DMD: variants seen among roughly 807,000 people sequenced by gnomAD.
DMD encodes the protein mutant dystrophin.
Under a neutral mutation model 330.1 loss-of-function variants are expected in DMD, and 63 were observed. That is an observed-to-expected ratio of 0.19 (90% CI 0.16 to 0.24). The LOEUF is 0.24. Among genes scored for constraint, DMD ranks in the 10% least tolerant of loss-of-function variants. DMD has a pLI of 1.00. For synonymous variants in DMD, 1,223 were observed against 959.8 expected (o/e 1.27, Z -5.07); for missense variants, 3,344 against 2,684.1 (o/e 1.25, Z -5.43).
chrX:32,014,212 G>A lies in DMD; in HGVS notation c.6439-45698C>T, dbSNP rs764478665. On this transcript the variant is annotated intron_variant, in intron 44 of 78. Transcript: ENST00000357033. ...CAAAGCCACCTGAAGTAATTCATGG[G>A]GTCATAACGTGCACTTTTAGTGTAT... is the stretch of plus-strand genomic sequence containing the variant. 2.1e-4 allele frequency among the ~76,000 whole-genome samples: 23 copies of A among 111,610 alleles called. 1 individual carries two copies. The East Asian group carries it at 6.2e-3, about 30-fold the overall frequency.
At chrX:31,595,152 A>G (rs956959428) in intron 55 of DMD, among the ~76,000 whole-genome samples, 15 of 111,662 alleles carry the variant, frequency 1.3e-4, no homozygotes, top group African/African-American at 4.2e-4. Flanking sequence ...ATTTGAAAAT[A>G]TTAAGAATTT....
At chrX:33,321,428 GA>G (rs60756362) in intron 1 of DMD, among the ~76,000 whole-genome samples, 24,789 of 106,089 alleles carry the variant, frequency 0.23, 2,343 homozygotes, top group African/African-American at 0.33. Flanking sequence ...TAATATTTTT[GA>G]AAAAAAAAAT....
intron 44 of DMD, among the ~76,000 whole-genome samples, chrX:31,989,387 GT>G (rs914088591): frequency 8.9e-6 from 1 of 112,026 alleles, no homozygotes; most frequent in Non-Finnish European, 1.9e-5. Flanking sequence ...AGCCTGATGT[GT>G]TTTTTCCTTT....
rs752620968 is a variant in DMD, at chrX:33,074,345, C to T, written c.32-54145G>A. ...CTGTAATTCTGAGGGCTGCCTGATT[C>T]GCAAATCGTTCATTGCTCAATTAAA... On this transcript the variant is annotated intron_variant, in intron 1 of 78. Transcript: ENST00000357033. Among the ~76,000 whole-genome samples the T allele has an allele frequency of 3.6e-3, 402 of 111,486 alleles. 3 individuals are homozygous for T. Among genetic ancestry groups the T allele is most frequent in the African/African-American group, 0.012 (369 of 30,733 alleles).
intron 59 of DMD, among the ~76,000 whole-genome samples, chrX:31,463,515 A>G (rs1209170006): frequency 2.7e-5 from 3 of 112,259 alleles, no homozygotes; most frequent in African/African-American, 9.7e-5. Flanking sequence ...CATGACAGGA[A>G]GAAGCGAACT....
chrX:31,267,907 A>T (rs184448375), intron 62 of DMD, among the ~76,000 whole-genome samples: 14 of 112,629 alleles, frequency 1.2e-4, no homozygotes, highest in Non-Finnish European at 1.9e-5. Flanking sequence ...TCTTACGATA[A>T]ACTGTTAGTG....
intron 1 of DMD, among the ~76,000 whole-genome samples, chrX:33,030,648 G>A (rs1352817992): frequency 1.8e-5 from 2 of 111,329 alleles, no homozygotes; most frequent in African/African-American, 3.3e-5. Context: ...TCAAAATAAG[G>A]TCAAGGTCTC....
rs2098395227 is a variant in DMD, at chrX:32,464,660, C to T, written c.3202G>A (p.Asp1068Asn). The change falls in exon 24 of 79, where the codon GAT (aspartate) becomes AAT (asparagine). Residue 1068 changes from aspartate (D) to asparagine (N), a missense_variant. By Grantham distance (23) the Asp-to-Asn change is conservative (BLOSUM62 1). Transcript: ENST00000357033. ...QTLKKWMAEV[D>N]VFLKEEWPAL... is the part of the protein sequence containing the mutation. ...GGCCATTCCTCCTTCAGAAAAACATCAACTTCAGCCATCCATTTCTTCAGG... is the reference window on the plus strand; with the variant it reads ...GGCCATTCCTCCTTCAGAAAAACATTAACTTCAGCCATCCATTTCTTCAGG... 8.3e-7 allele frequency: 1 copy of T among 1,207,597 alleles called. No individual in the cohort carries two copies. Among genetic ancestry groups the T allele is most frequent in the Admixed American group, 2.2e-5 (1 of 45,699 alleles).
chrX:31,961,740 G>GTTTTTTTTTTTTTTTT (rs59279553), intron 45 of DMD, among the ~76,000 whole-genome samples: 2 of 75,602 alleles, frequency 2.6e-5, no homozygotes, highest in African/African-American at 5.3e-5. Context: ...AAAGGAAGCG[G>GTTTTTTTTTTTTTTTT]TTTTTTTTTT....
At chrX:32,344,441 AACT>A (rs1430214177) in intron 39 of DMD, among the ~76,000 whole-genome samples, 3 of 111,649 alleles carry the variant, frequency 2.7e-5, no homozygotes, top group Non-Finnish European at 5.7e-5. Context: ...TGCAAGAATG[AACT>A]ACATTTCATT....
intron 44 of DMD, chrX:32,206,024 G>T (rs185689235): frequency 2.0e-6 from 1 of 496,900 alleles, no homozygotes; most frequent in South Asian, 2.4e-5. Flanking sequence ...CTTTAAGAAC[G>T]GTCAGTTTAG....
intron 1 of DMD, among the ~76,000 whole-genome samples, chrX:33,076,051 G>A (rs1401910524): frequency 9.0e-6 from 1 of 111,597 alleles, no homozygotes; most frequent in Non-Finnish European, 1.9e-5. Context: ...CAGTGCTTGA[G>A]ACGTTTTGCA....
At chrX:31,274,187 C>T (rs145283407) in intron 62 of DMD, among the ~76,000 whole-genome samples, 2 of 111,996 alleles carry the variant, frequency 1.8e-5, no homozygotes, top group East Asian at 5.6e-4. Flanking sequence ...TTGCTTTTTA[C>T]ACTTAAGAAG....
intron 43 of DMD, among the ~76,000 whole-genome samples, chrX:32,219,773 A>G (rs950559243): frequency 5.4e-5 from 6 of 111,634 alleles, no homozygotes; most frequent in African/African-American, 2.0e-4. Flanking sequence ...TTTCTCTGAC[A>G]TACTGCTATA....
At chrX:31,308,151 T>C (rs1251601475) in intron 62 of DMD, among the ~76,000 whole-genome samples, 2 of 111,973 alleles carry the variant, frequency 1.8e-5, no homozygotes, top group Non-Finnish European at 3.8e-5. Context: ...TTCCAGTCCA[T>C]GGTCCAGAGG....
In DMD at chrX:33,059,233, T is replaced by C. The variant is rs778832449; in HGVS notation, c.32-39033A>G. On this transcript the variant is annotated intron_variant, in intron 1 of 78. Transcript: ENST00000357033. Reference sequence around the variant, plus strand: ...TTACACACTAATGGTCACAGCCATATTCTCCTTGACTATGTTTACTTAATC... The same window carrying C: ...TTACACACTAATGGTCACAGCCATACTCTCCTTGACTATGTTTACTTAATC... Among the ~76,000 whole-genome samples, 183 of 111,630 alleles carry C rather than the reference T, an allele frequency of 1.6e-3. 1 individual carries two copies. The highest frequency in any genetic ancestry group is 5.6e-3 in the African/African-American group (171 of 30,783).
chrX:32,771,168 G>C (rs1337470417), intron 7 of DMD, among the ~76,000 whole-genome samples: 1 of 111,915 alleles, frequency 8.9e-6, no homozygotes, highest in Non-Finnish European at 1.9e-5. Context: ...CTTTAAACTG[G>C]ATTAGCTTTA....
intron 43 of DMD, among the ~76,000 whole-genome samples, chrX:32,243,584 C>A (rs1326730972): frequency 2.7e-5 from 3 of 111,610 alleles, no homozygotes; most frequent in Non-Finnish European, 5.7e-5. Flanking sequence ...TTCCATTATA[C>A]AGGTAACAAA....
intron 62 of DMD, among the ~76,000 whole-genome samples, chrX:31,278,142 C>A (rs765750137): frequency 1.9e-4 from 21 of 110,297 alleles, no homozygotes; most frequent in Admixed American, 4.8e-4. Context: ...TGCGTGTGTG[C>A]GTGTGTGTGT....
Sources: gnomAD v4.1 joint callset for allele counts (sites outside exome capture counted in the v4.1 genomes callset) on GRCh38, gnomAD v4.1.1 for gene constraint, MANE v1.5 for transcripts, NCBI Gene and HGNC (gene_info 2026-07-23, HGNC 2026-07-21) for gene names.